INHBC: variants seen among roughly 807,000 people sequenced by gnomAD.
INHBC encodes inhibin beta C chain.
In INHBC, 10 loss-of-function variants were observed where a neutral mutation model predicts 12.4. That is an observed-to-expected ratio of 0.81 (90% confidence interval 0.50 to 1.37). The LOEUF is 1.37. Ranked by LOEUF, INHBC falls within the 40% of genes most tolerant of loss-of-function variation. The probability of loss-of-function intolerance (pLI) is 0.00; values close to 1 mark genes in which losing one functional copy is unlikely to be tolerated. For missense variants in INHBC, 382 were observed against 439.4 expected (o/e 0.87, Z 1.17); for synonymous variants, 147 against 171.6 (o/e 0.86, Z 1.12).
At chr12:57,447,892 A>AAAAATATATATATAT (rs1555325179) in intron 1 of INHBC, among the ~76,000 whole-genome samples, 1 of 19,872 alleles carries the variant, frequency 5.0e-5, no homozygotes, top group Non-Finnish European at 1.1e-4. Flanking sequence ...AAAAAAAAAA[A>AAAAATATATATATAT]ATATATATAT....
In INHBC at chr12:57,449,651, A is replaced by G; in HGVS notation, c.688A>G (p.Lys230Glu). Residue 230 changes from lysine to glutamate, a missense_variant, in exon 2 of 2, where the codon AAA becomes GAA. Transcript: ENST00000309668. ...GGCAGCCCGGGTGAGAGTTGGGGGC[A>G]AACACCAGATTCACCGACGAGGCAT... ...FVAARVRVGG[K>E]HQIHRRGIDC... is the part of the protein sequence containing the mutation. 6.2e-7 allele frequency: 1 copy of G among 1,614,244 alleles called. No homozygotes were observed. The highest frequency in any genetic ancestry group is 8.5e-7 in the Non-Finnish European group (1 of 1,180,046).
Position 57,435,033 on chromosome 12 carries a change from A to C in INHBC, c.147A>C (p.Arg49Ser). 1 of 1,614,188 alleles carries C rather than the reference A, an allele frequency of 6.2e-7. No homozygotes were observed. Among genetic ancestry groups the C allele is most frequent in the East Asian group, 2.2e-5 (1 of 44,888 alleles). ...QRELLLDLAK[R>S]SILDKLHLTQ... ...AGCTGCTTCTTGATCTGGCCAAGAG[A>C]AGCATCTTGGACAAGCTGCACCTCA... The change falls in exon 1 of 2, where the codon AGA becomes AGC. Residue 49 changes from arginine to serine, a missense_variant. Physicochemically the swap from Arg to Ser is moderately radical, Grantham distance 110. Transcript: ENST00000309668.
At chr12:57,447,523 C>G (rs1870604585) in intron 1 of INHBC, among the ~76,000 whole-genome samples, 1 of 151,226 alleles carries the variant, frequency 6.6e-6, no homozygotes, top group Non-Finnish European at 1.5e-5. Context: ...GTAGTGGCAC[C>G]ACCAAGAATG....
intron 1 of INHBC, among the ~76,000 whole-genome samples, chr12:57,436,550 T>C (rs954034105): frequency 6.9e-6 from 1 of 145,120 alleles, no homozygotes; most frequent in Non-Finnish European, 1.5e-5. Flanking sequence ...TCACAGCTCA[T>C]TGCAGCCTCA....
At chr12:57,443,504 G>C (rs888469381) in intron 1 of INHBC, among the ~76,000 whole-genome samples, 1 of 151,696 alleles carries the variant, frequency 6.6e-6, no homozygotes, top group Non-Finnish European at 1.5e-5. Context: ...GGCTTGTCTC[G>C]AACTCCTGAC....
rs775475404 is a variant in INHBC at position 57,451,156 on chromosome 12, C to T, written c.*1134C>T. Reference sequence around the variant, plus strand: ...TTTCTTAGGCACCCCGTCCCTCCATCCTTCCAGAACCATCTTTGAGGTCTC... The same window carrying T: ...TTTCTTAGGCACCCCGTCCCTCCATTCTTCCAGAACCATCTTTGAGGTCTC... On this transcript the variant is annotated 3_prime_UTR_variant, in exon 2 of 2. Coordinates refer to ENST00000309668, the MANE Select transcript of INHBC (RefSeq NM_005538.4). 8.5e-5 allele frequency among the ~76,000 whole-genome samples: 13 copies of T among 152,214 alleles called. No homozygotes were observed. Among genetic ancestry groups the T allele is most frequent in the Non-Finnish European group, 1.0e-4 (7 of 68,044 alleles).
rs527985254 is a variant in INHBC at position 57,437,399 on chromosome 12, G to T, written c.313+2200G>T. 1.2e-4 allele frequency among the ~76,000 whole-genome samples: 18 copies of T among 152,260 alleles called. No individual in the cohort carries two copies. The South Asian group carries it at 3.7e-3, about 32-fold the overall frequency. On this transcript the variant is annotated intron_variant, in intron 1 of 1. Transcript: ENST00000309668. ...AAATGCAAATTGAAGGCCGGGCGCG[G>T]TGGCTCACGCCTGTAATCCTAGCAC...
chr12:57,436,482 T>C (rs1315489069), intron 1 of INHBC, among the ~76,000 whole-genome samples: 7 of 143,732 alleles, frequency 4.9e-5, no homozygotes, highest in South Asian at 2.2e-4. Context: ...TCTTTTTTTT[T>C]TTTTTTTTTT....
chr12:57,439,899 T>C (rs919168324), intron 1 of INHBC, among the ~76,000 whole-genome samples: 1 of 152,158 alleles, frequency 6.6e-6, no homozygotes, highest in Non-Finnish European at 1.5e-5. Flanking sequence ...TAGTGGCTAT[T>C]TGCAGCCTCA....
In INHBC at chr12:57,451,285, C is replaced by A. The variant is rs912020246; in HGVS notation, c.*1263C>A. 1.3e-5 allele frequency among the ~76,000 whole-genome samples: 2 copies of A among 152,200 alleles called. No homozygotes were observed. The highest frequency in any genetic ancestry group is 6.5e-5 in the Admixed American group (1 of 15,280). ...CCAGTAAACTGACCAGCTGTGGGCA[C>A]GCAAGTGTGGGAGGCAGAGGCATGC... On this transcript the variant is annotated 3_prime_UTR_variant, in exon 2 of 2. Transcript: ENST00000309668.
chr12:57,449,246 C>T (rs1165933799), intron 1 of INHBC, 31 bp from the exon 2 acceptor site: 1 of 1,581,830 alleles, frequency 6.3e-7, no homozygotes, highest in Non-Finnish European at 8.6e-7. Flanking sequence ...AGTCAGAAGG[C>T]CGCAATGACT....
intron 1 of INHBC, among the ~76,000 whole-genome samples, chr12:57,438,021 A>G (rs1212166071): frequency 1.3e-5 from 2 of 152,024 alleles, no homozygotes; most frequent in African/African-American, 4.8e-5. Context: ...CCTGACCCCA[A>G]GTGATCTGCT....
Position 57,449,905 on chromosome 12 carries a change from C to T in INHBC, c.942C>T (p.Gly314=). 1 of 1,608,948 alleles carries T rather than the reference C, an allele frequency of 6.2e-7. No individual in the cohort carries two copies. The highest frequency in any genetic ancestry group is 8.5e-7 in the Non-Finnish European group (1 of 1,176,936). The change falls in exon 2 of 2, where the codon GGC becomes GGT. Residue 314 remains glycine, a synonymous_variant. Transcript: ENST00000309668. ...CAGCTGCAGGCACCACTGGAGGGGG[C>T]TCATGCTGTGTACCCACGGCCCGGC... ...ANTAAGTTGG[G]SCCVPTARRP...
chr12:57,437,998 C>G (rs150241643), intron 1 of INHBC, among the ~76,000 whole-genome samples: 1,582 of 152,144 alleles, frequency 0.01, 32 homozygotes, highest in African/African-American at 0.036. Context: ...GTTGGCCAGG[C>G]TGGTCTCGAA....
intron 1 of INHBC, among the ~76,000 whole-genome samples, chr12:57,446,597 A>G (rs756236862): frequency 2.6e-5 from 4 of 151,854 alleles, no homozygotes; most frequent in Non-Finnish European, 5.9e-5. Context: ...AGGGTCAAGC[A>G]ATCCTTCCAC....
intron 1 of INHBC, 47 bp from the exon 2 acceptor site, chr12:57,449,230 A>ATTT: frequency 6.4e-7 from 1 of 1,564,206 alleles, no homozygotes; most frequent in Non-Finnish European, 8.6e-7. Context: ...AGTTGGTAGA[A>ATTT]CTGACAGTCA....
At chr12:57,440,167 T>A (rs553958897) in intron 1 of INHBC, among the ~76,000 whole-genome samples, 2 of 152,210 alleles carry the variant, frequency 1.3e-5, no homozygotes, top group Non-Finnish European at 2.9e-5. Context: ...ATTTTTGTCA[T>A]TATTTTTCTT....
At chr12:57,437,954 T>A (rs1330019493) in intron 1 of INHBC, among the ~76,000 whole-genome samples, 4 of 151,726 alleles carry the variant, frequency 2.6e-5, no homozygotes, top group Admixed American at 2.6e-4. Context: ...CCTGGCTAAT[T>A]TTTGTATTTT....
At position 57,435,747 on chromosome 12, in the gene INHBC, TG is replaced by T. The variant is rs541970798; in HGVS notation, c.313+551del. Among the ~76,000 whole-genome samples, 581 of 152,210 alleles carry T rather than the reference TG, an allele frequency of 3.8e-3. 2 individuals carry two copies. Among genetic ancestry groups the T allele is most frequent in the African/African-American group, 0.014 (566 of 41,524 alleles). ...GACTCAGAAAGATGGATAAAGGGGCTGGGCACAGTGGCTCCTGCCTGTAATC... is the reference window on the plus strand; with the variant it reads ...GACTCAGAAAGATGGATAAAGGGGCTGGCACAGTGGCTCCTGCCTGTAATC... On this transcript the variant is annotated intron_variant, in intron 1 of 1. Transcript: ENST00000309668.
Sources: allele counts gnomAD v4.1 joint callset (sites outside exome capture counted in the v4.1 genomes callset), GRCh38; gene constraint gnomAD v4.1.1; transcripts MANE v1.5; gene names NCBI Gene and HGNC (gene_info 2026-07-23, HGNC 2026-07-21).